AVEN: variants seen among roughly 807,000 people sequenced by gnomAD.
AVEN encodes apoptosis and caspase activation inhibitor.
AVEN carries 41 observed loss-of-function variants against 38.1 expected under a neutral mutation model. The ratio of observed to expected loss-of-function variants is 1.08; its 90% CI spans 0.84 to 1.40. AVEN has a LOEUF of 1.40. AVEN is among the 40% of genes most tolerant of loss of function. The pLI is 0.00. For synonymous variants in AVEN, 206 were observed against 171.8 expected, an observed-to-expected ratio of 1.20 and a Z score of -1.56; for missense variants, 605 against 438.8, an observed-to-expected ratio of 1.38 and a Z score of -3.38.
At chr15:34,032,836 G>A (rs1898925084) in intron 1 of AVEN, among the ~76,000 whole-genome samples, 1 of 152,212 alleles carries the variant, frequency 6.6e-6, no homozygotes. Flanking sequence ...TTGAGGATGT[G>A]TAACTCTAAA....
downstream of AVEN, among the ~76,000 whole-genome samples, chr15:33,861,762 G>C (rs1238794984): frequency 2.0e-5 from 3 of 152,126 alleles, no homozygotes; most frequent in Non-Finnish European, 1.5e-5. Context: ...CTCATTAATA[G>C]CTAAGCCCCA....
In AVEN at chr15:33,866,776, T is replaced by C. The variant is rs757813194; in HGVS notation, c.974-48A>G. Reference sequence around the variant, plus strand: ...AACACCCTCAGATGAGTCCTAAAATTGAAGGTATAATTCAGCCCAATTTAT... The same window carrying C: ...AACACCCTCAGATGAGTCCTAAAATCGAAGGTATAATTCAGCCCAATTTAT... On this transcript the variant is annotated intron_variant, in intron 5 of 5. Transcript: ENST00000306730. The C allele has an allele frequency of 4.8e-5, 66 of 1,379,192 alleles. No homozygotes were observed. The Admixed American group carries it at 1.1e-3, about 24-fold the overall frequency. The allele number at this position is 1,379,192 out of a possible 1,614,324, so 85.4% of individuals were successfully genotyped here.
At chr15:33,933,876 T>C (rs1248296865) in intron 2 of AVEN, among the ~76,000 whole-genome samples, 1 of 152,072 alleles carries the variant, frequency 6.6e-6, no homozygotes, top group Non-Finnish European at 1.5e-5. Context: ...CAAGAATTGC[T>C]TGAACTGGGG....
intron 1 of AVEN, among the ~76,000 whole-genome samples, chr15:34,034,180 C>T (rs1453465283): frequency 6.6e-6 from 1 of 152,160 alleles, no homozygotes; most frequent in Non-Finnish European, 1.5e-5. Context: ...TGGTGACTCA[C>T]ATCTGTAACC....
intron 2 of AVEN, among the ~76,000 whole-genome samples, chr15:33,891,443 G>A (rs1374142863): frequency 1.3e-5 from 2 of 152,072 alleles, no homozygotes; most frequent in Non-Finnish European, 2.9e-5. Context: ...GTGTCCAAGT[G>A]TTCTCATTGT....
chr15:33,890,194 T>C (rs140000768), intron 2 of AVEN, among the ~76,000 whole-genome samples: 7 of 152,340 alleles, frequency 4.6e-5, no homozygotes, highest in Admixed American at 1.3e-4. Flanking sequence ...AGGTATATAG[T>C]GATCTTATCT....
intron 2 of AVEN, among the ~76,000 whole-genome samples, chr15:33,909,458 G>T (rs1327262692): frequency 6.6e-6 from 1 of 152,116 alleles, no homozygotes; most frequent in Non-Finnish European, 1.5e-5. Context: ...ACCAGCTCAA[G>T]ATGTGAACAA....
chr15:33,942,319 T>G (rs553483943), intron 2 of AVEN, among the ~76,000 whole-genome samples: 1 of 152,204 alleles, frequency 6.6e-6, no homozygotes, highest in Non-Finnish European at 1.5e-5. Flanking sequence ...CCATTCAAAA[T>G]GTATCACTTT....
exon 2 of AVEN, among the ~76,000 whole-genome samples, chr15:34,070,593 T>A (rs1900607362): frequency 6.6e-6 from 1 of 152,134 alleles, no homozygotes; most frequent in Non-Finnish European, 1.5e-5. Context: ...GGTACCTTTA[T>A]GAAGTGATCA....
chr15:34,051,585 A>G (rs896297414), intron 5 of AVEN, among the ~76,000 whole-genome samples: 2 of 151,198 alleles, frequency 1.3e-5, no homozygotes, highest in South Asian at 2.1e-4. Flanking sequence ...AAATAGATAA[A>G]CCACTAATTA....
chr15:34,054,361 A>T (rs1364170528), intron 5 of AVEN, among the ~76,000 whole-genome samples: 1 of 152,200 alleles, frequency 6.6e-6, no homozygotes, highest in Admixed American at 6.5e-5. Flanking sequence ...TCATTCTATC[A>T]TAAAGATACA....
chr15:33,877,063 G>C (rs1891264126), intron 2 of AVEN, among the ~76,000 whole-genome samples: 1 of 152,158 alleles, frequency 6.6e-6, no homozygotes, highest in Non-Finnish European at 1.5e-5. Context: ...AAAAGTTAAA[G>C]TCAAATACTT....
chr15:33,907,869 T>C (rs6495332), intron 2 of AVEN, among the ~76,000 whole-genome samples: 4,115 of 149,794 alleles, frequency 0.027, 216 homozygotes, highest in African/African-American at 0.096. Flanking sequence ...ATGGGTGAAA[T>C]GTATTATCTT....
chr15:33,922,600 A>C (rs945957630), intron 2 of AVEN, among the ~76,000 whole-genome samples: 57 of 151,938 alleles, frequency 3.8e-4, no homozygotes, highest in African/African-American at 1.3e-3. Flanking sequence ...ACACCCAGCT[A>C]ATTTTTATTT....
intron 2 of AVEN, among the ~76,000 whole-genome samples, chr15:33,905,177 T>C (rs1029998556): frequency 1.3e-5 from 2 of 148,858 alleles, no homozygotes; most frequent in African/African-American, 4.9e-5. Flanking sequence ...CCCAACTAAT[T>C]AGGTGTTTAA....
downstream of AVEN, chr15:33,865,158 GAAAGGTGTTGGGATTT>G: frequency 6.2e-7 from 1 of 1,613,718 alleles, no homozygotes; most frequent in East Asian, 2.2e-5. Flanking sequence ...GATGTACCAA[GAAAGGTGTTGGGATTT>G]CTTCCCAGCC....
At chr15:33,963,229 C>T (rs537981264) in intron 2 of AVEN, among the ~76,000 whole-genome samples, 5 of 152,304 alleles carry the variant, frequency 3.3e-5, no homozygotes, top group African/African-American at 9.6e-5. Flanking sequence ...AGGCACTGTG[C>T]TAGGTGCTTT....
rs76497982 is a variant in AVEN at position 33,927,486 on chromosome 15, T to C, written c.446-51491A>G. Among the ~76,000 whole-genome samples, 1,108 of 152,284 alleles carry C rather than the reference T, an allele frequency of 7.3e-3. 17 individuals are homozygous for C. The highest frequency in any genetic ancestry group is 0.026 in the African/African-American group (1,072 of 41,540). On this transcript the variant is annotated intron_variant, in intron 2 of 5. Transcript: ENST00000306730. ...ATGTATAAAACACTCTAAAAAGCAC[T>C]GTTTCTAACCATACTTTGCTATGAT...
downstream of AVEN, chr15:33,854,258 AC>A: frequency 1.4e-6 from 1 of 707,192 alleles, no homozygotes; most frequent in Non-Finnish European, 2.4e-6. Flanking sequence ...GGGAGCACAT[AC>A]AACTTGATAA....
Sources: gnomAD v4.1 joint callset for allele counts (sites outside exome capture counted in the v4.1 genomes callset) on GRCh38, gnomAD v4.1.1 for gene constraint, MANE v1.5 for transcripts, NCBI Gene and HGNC (gene_info 2026-07-23, HGNC 2026-07-21) for gene names.